FAF1: variants seen among roughly 807,000 people sequenced by gnomAD.
The protein encoded by FAF1 is Fas associated factor 1.
FAF1 carries 25 observed loss-of-function variants against 92.5 expected under a neutral mutation model. The ratio of observed to expected loss-of-function variants is 0.27; its 90% CI spans 0.20 to 0.38. The LOEUF is 0.38. FAF1 is among the 10% of genes least tolerant of loss of function. FAF1 has a pLI of 1.00. For synonymous variants in FAF1, 234 were observed against 273.2 expected (o/e 0.86, Z 1.42); for missense variants, 636 against 793.3 (o/e 0.80, Z 2.38).
At chr1:50,664,291 CG>C (rs1655523499) in intron 7 of FAF1, among the ~76,000 whole-genome samples, 1 of 149,960 alleles carries the variant, frequency 6.7e-6, no homozygotes, top group Admixed American at 6.7e-5. Context: ...CCACTGTGCC[CG>C]GCCAATCTTT....
chr1:50,584,885 A>T, intron 9 of FAF1, 74 bp from the exon 10 acceptor site: 1 of 1,347,782 alleles, frequency 7.4e-7, no homozygotes, highest in South Asian at 1.2e-5. Context: ...TTATAATAAT[A>T]ACAACAGGAC....
intron 4 of FAF1, among the ~76,000 whole-genome samples, chr1:50,772,458 T>C (rs1283473561): frequency 6.6e-6 from 1 of 152,090 alleles, no homozygotes; most frequent in Non-Finnish European, 1.5e-5. Context: ...TAAATACTCA[T>C]CAATGGTAGA....
chr1:50,613,615 T>TA (rs1331437571), intron 8 of FAF1, among the ~76,000 whole-genome samples: 1 of 152,044 alleles, frequency 6.6e-6, no homozygotes, highest in Non-Finnish European at 1.5e-5. Flanking sequence ...TATTAAACAT[T>TA]AAAAAAATCC....
intron 6 of FAF1, among the ~76,000 whole-genome samples, chr1:50,727,949 G>A (rs1658731871): frequency 6.6e-6 from 1 of 152,124 alleles, no homozygotes; most frequent in Admixed American, 6.6e-5. Flanking sequence ...AAGGTTTTGG[G>A]ACTCGGACTG....
At chr1:50,553,965 G>GAGCAACATCAGCT (rs1649430065) in intron 13 of FAF1, among the ~76,000 whole-genome samples, 2 of 151,886 alleles carry the variant, frequency 1.3e-5, no homozygotes, top group Admixed American at 1.3e-4. Flanking sequence ...GCACAGGCTG[G>GAGCAACATCAGCT]AGCAACATCA....
At chr1:50,601,974 C>A (rs1037935838) in intron 8 of FAF1, among the ~76,000 whole-genome samples, 4 of 151,982 alleles carry the variant, frequency 2.6e-5, no homozygotes, top group Non-Finnish European at 5.9e-5. Flanking sequence ...GGGTCAGTAA[C>A]CAAGAGTCTT....
At chr1:50,877,509 C>G (rs1644580443) in intron 1 of FAF1, among the ~76,000 whole-genome samples, 1 of 151,970 alleles carries the variant, frequency 6.6e-6, no homozygotes, top group Non-Finnish European at 1.5e-5. Flanking sequence ...GTAAAAATAT[C>G]ATATATTATG....
At chr1:50,651,376 A>G (rs1256237647) in intron 8 of FAF1, among the ~76,000 whole-genome samples, 1 of 152,202 alleles carries the variant, frequency 6.6e-6, no homozygotes, top group Non-Finnish European at 1.5e-5. Context: ...AGAGATGTGC[A>G]ACCTTTACCA....
intron 18 of FAF1, among the ~76,000 whole-genome samples, chr1:50,466,384 T>C (rs1410629139): frequency 6.6e-6 from 1 of 152,184 alleles, no homozygotes; most frequent in Non-Finnish European, 1.5e-5. Context: ...AAGTTCTGAC[T>C]GTTTCATGTG....
intron 17 of FAF1, among the ~76,000 whole-genome samples, chr1:50,490,177 T>C (rs894196661): frequency 4.6e-5 from 7 of 152,086 alleles, no homozygotes; most frequent in African/African-American, 1.7e-4. Context: ...ATGGCCAACA[T>C]GGTGAAACCC....
chr1:50,683,530 A>T (rs1204364051), intron 7 of FAF1, among the ~76,000 whole-genome samples: 2 of 140,530 alleles, frequency 1.4e-5, no homozygotes, highest in Admixed American at 1.4e-4. Context: ...CTGTCTCATT[A>T]AAAAAAAAAA....
At chr1:50,646,411 T>C (rs1015743319) in intron 8 of FAF1, among the ~76,000 whole-genome samples, 1 of 152,228 alleles carries the variant, frequency 6.6e-6, no homozygotes, top group Non-Finnish European at 1.5e-5. Context: ...ACTATACTCA[T>C]ACAAATCGAT....
chr1:50,518,224 T>C (rs1411969955), intron 15 of FAF1, among the ~76,000 whole-genome samples: 1 of 152,214 alleles, frequency 6.6e-6, no homozygotes, highest in Non-Finnish European at 1.5e-5. Flanking sequence ...GTATAACTTT[T>C]AGAGACTGAT....
chr1:50,641,972 A>G (rs1456787149), intron 8 of FAF1, among the ~76,000 whole-genome samples: 1 of 151,678 alleles, frequency 6.6e-6, no homozygotes, highest in African/African-American at 2.4e-5. Context: ...GGAGGCCAAG[A>G]CAGGTGGATA....
Position 50,761,952 on chromosome 1 carries a change from C to A in FAF1, c.368-17177G>T, listed in dbSNP as rs1045648748. Among the ~76,000 whole-genome samples, 281 of 152,112 alleles carry A rather than the reference C, an allele frequency of 1.8e-3. 3 individuals carry two copies. In the East Asian group the frequency reaches 0.026, roughly 14 times the overall value. Reference sequence around the variant, plus strand: ...TATCTAGAAAACCCCATTGTCTCAGCCCAAAATCTCCTTAAGCTGATAAGC... The same window carrying A: ...TATCTAGAAAACCCCATTGTCTCAGACCAAAATCTCCTTAAGCTGATAAGC... On this transcript the variant is annotated intron_variant, in intron 4 of 18. Transcript: ENST00000396153.
chr1:50,532,170 T>G (rs1648211040), intron 15 of FAF1, among the ~76,000 whole-genome samples: 1 of 152,154 alleles, frequency 6.6e-6, no homozygotes, highest in Non-Finnish European at 1.5e-5. Context: ...ATGAAGACAC[T>G]CTAAAAACAA....
chr1:50,846,885 T>G (rs1644306211), intron 2 of FAF1: 10 of 423,148 alleles, frequency 2.4e-5, no homozygotes, highest in South Asian at 2.0e-4. Context: ...TCCCTTCATA[T>G]TTGAGCAGCA....
chr1:50,857,539 CT>C (rs1312417552), intron 2 of FAF1, among the ~76,000 whole-genome samples: 1 of 151,736 alleles, frequency 6.6e-6, no homozygotes, highest in African/African-American at 2.4e-5. Flanking sequence ...CAGAATGCAA[CT>C]ACTTTAACAG....
chr1:50,606,637 T>A (rs1388166810), intron 8 of FAF1, among the ~76,000 whole-genome samples: 1 of 151,660 alleles, frequency 6.6e-6, no homozygotes, highest in Non-Finnish European at 1.5e-5. Flanking sequence ...GTAGCTGGGA[T>A]TATAGGGATG....
Sources: allele counts gnomAD v4.1 joint callset (sites outside exome capture counted in the v4.1 genomes callset), GRCh38; gene constraint gnomAD v4.1.1; transcripts MANE v1.5; gene names NCBI Gene and HGNC (gene_info 2026-07-23, HGNC 2026-07-21).